Variants in CALHM5 observed in about 807,000 individuals in gnomAD.
The protein encoded by CALHM5 is calcium homeostasis modulator protein 5.
Under a neutral mutation model 20.9 loss-of-function variants are expected in CALHM5, and 17 were observed. The ratio of observed to expected loss-of-function variants is 0.82; its 90% CI spans 0.56 to 1.22. The LOEUF (loss-of-function observed/expected upper bound fraction) is 1.22. Among genes scored for constraint, CALHM5 ranks in the 50% most tolerant of loss-of-function variants. The pLI, the probability that CALHM5 is intolerant of heterozygous loss-of-function variation, is 0.00. For synonymous variants in CALHM5, 148 were observed against 140.0 expected (o/e 1.06, Z -0.40); for missense variants, 360 against 364.6 (o/e 0.99, Z 0.10).
chr6:116,511,724 T>C lies in CALHM5; in HGVS notation c.28T>C (p.Phe10Leu). ...GGATGCTTTTCAGGGCATTTTAAAA[T>C]TCTTCCTTAATCAGAAAACTGTTAT... MDAFQGILK[F>L]FLNQKTVIGY... The change falls in exon 1 of 2, where the codon TTC (phenylalanine) becomes CTC (leucine). Residue 10 changes from phenylalanine to leucine, a missense_variant. Physicochemically the swap from Phe to Leu is conservative, Grantham distance 22. Transcript: ENST00000368599. 1 of 1,613,728 alleles carries C rather than the reference T, an allele frequency of 6.2e-7. No homozygotes were observed. The highest frequency in any genetic ancestry group is 8.5e-7 in the Non-Finnish European group (1 of 1,179,880).
At position 116,511,780 on chromosome 6, in the gene CALHM5, G is replaced by C. The variant is rs1311645626; in HGVS notation, c.84G>C (p.Val28=). ...ACAGCTTCATGGCTCTGCTGACCGTGGGAAGTGAGCGTCTCTTTTCTGTTG... is the reference window on the plus strand; with the variant it reads ...ACAGCTTCATGGCTCTGCTGACCGTCGGAAGTGAGCGTCTCTTTTCTGTTG... ...IGYSFMALLT[V]GSERLFSVVA... The change falls in exon 1 of 2, where the codon GTG becomes GTC. Residue 28 remains valine (V), a synonymous_variant. Transcript: ENST00000368599. The C allele has an allele frequency of 1.2e-6, 2 of 1,614,060 alleles. No homozygotes were observed. The highest frequency in any genetic ancestry group is 1.7e-6 in the Non-Finnish European group (2 of 1,179,990).
chr6:116,515,177 GTA>G (rs1179417924), intron 1 of CALHM5, among the ~76,000 whole-genome samples: 5 of 152,096 alleles, frequency 3.3e-5, no homozygotes, highest in Non-Finnish European at 7.4e-5. Flanking sequence ...CTCTAGCCAT[GTA>G]TATACATTTA....
chr6:116,515,746 A>G lies in CALHM5; in HGVS notation c.687A>G (p.Thr229=). 2 of 1,614,034 alleles carry G rather than the reference A, an allele frequency of 1.2e-6. No homozygotes were observed. Among genetic ancestry groups the G allele is most frequent in the Non-Finnish European group, 1.7e-6 (2 of 1,179,934 alleles). ...AGGAGAAGGAGCAGTTGGAAAATAC[A>G]TTTCTGGACTATGCCAACAAGCTGA... ...AQKEKEQLEN[T]FLDYANKLSE... The change falls in exon 2 of 2, where the codon ACA becomes ACG. Residue 229 remains threonine, a synonymous_variant. Transcript: ENST00000368599.
chr6:116,523,866 TC>T lies in CALHM5; in HGVS notation c.*7881del, dbSNP rs1238464263. On this transcript the variant is annotated 3_prime_UTR_variant, in exon 2 of 2. Transcript: ENST00000368599. The stretch of plus-strand genomic sequence containing the variant: ...ATTCCATTTTACAGATGACTCAGTC[TC>T]CCCACAGATTAACAGTATTAAGAAA... The T allele has an allele frequency of 6.6e-6, 1 of 152,112 alleles. No individual in the cohort carries two copies. The highest frequency in any genetic ancestry group is 1.5e-5 in the Non-Finnish European group (1 of 68,016). 9.4% of individuals were successfully genotyped at this position (152,112 alleles called of 1,614,324 possible). A position where few individuals can be genotyped will look rare whatever the true frequency, so the allele number is the denominator to read the frequency against.
At position 116,516,941 on chromosome 6, in the gene CALHM5, A is replaced by G. The variant is rs1266261640; in HGVS notation, c.*952A>G. 6.5e-6 allele frequency: 1 copy of G among 152,776 alleles called. No homozygotes were observed. Among genetic ancestry groups the G allele is most frequent in the Non-Finnish European group, 1.5e-5 (1 of 68,640 alleles). The allele number at this position is 152,776 out of a possible 1,614,324, so 9.5% of individuals were successfully genotyped here. ...AATATCATAGATAGGTGGCTTATAC[A>G]AAATAGAAATTTATTTCTCACAGTT... is the stretch of plus-strand genomic sequence containing the variant. On this transcript the variant is annotated 3_prime_UTR_variant, in exon 2 of 2. Transcript: ENST00000368599.
At chr6:116,515,494 T>A in intron 1 of CALHM5, 106 bp from the exon 2 acceptor site, 1 of 1,130,344 alleles carries the variant, frequency 8.8e-7, no homozygotes. Flanking sequence ...AAATGAGGTA[T>A]GTCAAAGACT....
rs34849495 is a variant in CALHM5, at chr6:116,515,697, G to A, written c.638G>A (p.Ser213Asn). 2.3e-4 allele frequency: 370 copies of A among 1,614,018 alleles called. 3 individuals carry two copies. In the African/African-American group the frequency reaches 4.2e-3, roughly 18 times the overall value. ...TCTAAAGTTAGCTACCTTCAGCTGA[G>A]TTTTTGGAAGACATATGCACAAAAG... ...CRSKVSYLQL[S>N]FWKTYAQKEK... The change falls in exon 2 of 2, where the codon AGT (serine) becomes AAT (asparagine). Residue 213 changes from serine to asparagine, a missense_variant. Ser to Asn is a conservative substitution (Grantham distance 46). Coordinates refer to ENST00000368599, the MANE Select transcript of CALHM5 (RefSeq NM_153711.5).
Position 116,516,925 on chromosome 6 carries a change from G to C in CALHM5, c.*936G>C, listed in dbSNP as rs1378851379. 2.0e-5 allele frequency: 3 copies of C among 152,406 alleles called. No individual in the cohort carries two copies. Among genetic ancestry groups the C allele is most frequent in the Non-Finnish European group, 4.4e-5 (3 of 68,368 alleles). The allele number at this position is 152,406 out of a possible 1,614,324, so 9.4% of individuals were successfully genotyped here. ...TGGGCTACTATAACAAAATATCATA[G>C]ATAGGTGGCTTATACAAAATAGAAA... On this transcript the variant is annotated 3_prime_UTR_variant, in exon 2 of 2. Transcript: ENST00000368599.
rs1164199553 is a variant in CALHM5, at chr6:116,524,775, TG to T, written c.*8788del. Reference sequence around the variant, plus strand: ...TTTTCTTATATTTCAATAAAAAAGTTGGAAAATTTTCAACTTATTTTCCTTT... The same window carrying T: ...TTTTCTTATATTTCAATAAAAAAGTTGAAAATTTTCAACTTATTTTCCTTT... On this transcript the variant is annotated 3_prime_UTR_variant, in exon 2 of 2. Coordinates refer to ENST00000368599, the MANE Select transcript of CALHM5 (RefSeq NM_153711.5). The T allele has an allele frequency of 1.3e-5, 2 of 152,188 alleles. No homozygotes were observed. The highest frequency in any genetic ancestry group is 4.8e-5 in the African/African-American group (2 of 41,454). The allele number at this position is 152,188 out of a possible 1,614,324, so 9.4% of individuals were successfully genotyped here. A position where few individuals can be genotyped will look rare whatever the true frequency, so the allele number is the denominator to read the frequency against.
chr6:116,512,933 T>A (rs537078421), intron 1 of CALHM5, among the ~76,000 whole-genome samples: 39 of 152,336 alleles, frequency 2.6e-4, no homozygotes, highest in Admixed American at 5.2e-4. Flanking sequence ...GATTTGGGCA[T>A]TGTTTTATTT....
chr6:116,522,775 CA>C lies in CALHM5; in HGVS notation c.*6790del, dbSNP rs1562343154. The C allele has an allele frequency of 1.3e-5, 2 of 152,096 alleles. No individual in the cohort carries two copies. The highest frequency in any genetic ancestry group is 2.9e-5 in the Non-Finnish European group (2 of 68,024). The allele number at this position is 152,096 out of a possible 1,614,324, so 9.4% of individuals were successfully genotyped here. Reference sequence around the variant, plus strand: ...AGAGATTGTTCTTCTAGTCGTCTCTCAAAATGTTATCTTCAGACTGTCAACA... The same window carrying C: ...AGAGATTGTTCTTCTAGTCGTCTCTCAAATGTTATCTTCAGACTGTCAACA... On this transcript the variant is annotated 3_prime_UTR_variant, in exon 2 of 2. Transcript: ENST00000368599.
At chr6:116,512,383 C>T in intron 1 of CALHM5, 147 bp downstream of exon 1, 2 of 933,082 alleles carry the variant, frequency 2.1e-6, no homozygotes, top group Admixed American at 2.9e-5. Context: ...GAGACTATCT[C>T]AGGAAAAGCT....
chr6:116,522,664 C>T lies in CALHM5; in HGVS notation c.*6675C>T, dbSNP rs550216479. On this transcript the variant is annotated 3_prime_UTR_variant, in exon 2 of 2. Transcript: ENST00000368599. Reference sequence around the variant, plus strand: ...ACAAACATATTATTGGGAGGAGTAACACATTAAACTATTATTTGTCATTAA... The same window carrying T: ...ACAAACATATTATTGGGAGGAGTAATACATTAAACTATTATTTGTCATTAA... 1 of 152,208 alleles carries T rather than the reference C, an allele frequency of 6.6e-6. No individual in the cohort carries two copies. The highest frequency in any genetic ancestry group is 2.1e-4 in the South Asian group (1 of 4,820). The allele number at this position is 152,208 out of a possible 1,614,324, so 9.4% of individuals were successfully genotyped here.
Position 116,520,952 on chromosome 6 carries a change from C to G in CALHM5, c.*4963C>G, listed in dbSNP as rs895976548. On this transcript the variant is annotated 3_prime_UTR_variant, in exon 2 of 2. Coordinates refer to ENST00000368599, the MANE Select transcript of CALHM5 (RefSeq NM_153711.5). ...TGAATTTAAATTGGTTCTAGCTAAG[C>G]AATTTTGGAGTATCTTTGATGTACC... 1.3e-5 allele frequency: 2 copies of G among 151,422 alleles called. No homozygotes were observed. The highest frequency in any genetic ancestry group is 1.3e-4 in the Admixed American group (2 of 15,172). The allele number at this position is 151,422 out of a possible 1,614,324, so 9.4% of individuals were successfully genotyped here.
rs1772312819 is a variant in CALHM5 at position 116,520,506 on chromosome 6, T to A, written c.*4517T>A. On this transcript the variant is annotated 3_prime_UTR_variant, in exon 2 of 2. Transcript: ENST00000368599. ...TAAGAGGTTGGCATGAGAGGTTGGA[T>A]GGAAAGCATCTATCTGTGTTTGTCA... The A allele has an allele frequency of 6.6e-6, 1 of 152,164 alleles. No individual in the cohort carries two copies. The highest frequency in any genetic ancestry group is 1.5e-5 in the Non-Finnish European group (1 of 68,026). 9.4% of individuals were successfully genotyped at this position (152,164 alleles called of 1,614,324 possible).
chr6:116,511,672 C>A lies in CALHM5; in HGVS notation c.-25C>A. The A allele has an allele frequency of 6.2e-7, 1 of 1,602,958 alleles. No individual in the cohort carries two copies. The highest frequency in any genetic ancestry group is 1.7e-4 in the Middle Eastern group (1 of 5,994). Reference sequence around the variant, plus strand: ...TGCTCTGCCAATAACAAAGGCACAGCATTTTCCCTCTGTGCATCTCCAACA... The same window carrying A: ...TGCTCTGCCAATAACAAAGGCACAGAATTTTCCCTCTGTGCATCTCCAACA... On this transcript the variant is annotated 5_prime_UTR_variant, in exon 1 of 2. Transcript: ENST00000368599.
Position 116,515,953 on chromosome 6 carries a change from G to C in CALHM5, c.894G>C (p.Thr298=), listed in dbSNP as rs764951260. 1 of 1,610,060 alleles carries C rather than the reference G, an allele frequency of 6.2e-7. No individual in the cohort carries two copies. Among genetic ancestry groups the C allele is most frequent in the South Asian group, 1.1e-5 (1 of 90,840 alleles). ...AACTTAGCCCTGAGGATGATGAGAC[G>C]ACAATGGTCCTTGTGGGTACTGCCC... ...GLQLSPEDDE[T]TMVLVGTAHN... Residue 298 remains threonine (T), a synonymous_variant, in exon 2 of 2, where the codon ACG becomes ACC. Transcript: ENST00000368599.
In CALHM5 at chr6:116,523,251, A is replaced by T. The variant is rs1772378002; in HGVS notation, c.*7262A>T. Reference sequence around the variant, plus strand: ...GGGGTGCCTTTCCATTCATTCAAGGATACCTTTCTATTCATTCAAGGATAT... The same window carrying T: ...GGGGTGCCTTTCCATTCATTCAAGGTTACCTTTCTATTCATTCAAGGATAT... On this transcript the variant is annotated 3_prime_UTR_variant, in exon 2 of 2. Transcript: ENST00000368599. 2.6e-5 allele frequency: 4 copies of T among 152,156 alleles called. No individual in the cohort carries two copies. The highest frequency in any genetic ancestry group is 2.6e-4 in the Admixed American group (4 of 15,278). The allele number at this position is 152,156 out of a possible 1,614,324, so 9.4% of individuals were successfully genotyped here.
In CALHM5 at chr6:116,521,321, A is replaced by G. The variant is rs1292866152; in HGVS notation, c.*5332A>G. ...CGTGCCACCTGTAAGCTGGAGAATC[A>G]GGGAAATGTGTAGGGTGGCTCAAGT... is the stretch of plus-strand genomic sequence containing the variant. On this transcript the variant is annotated 3_prime_UTR_variant, in exon 2 of 2. Transcript: ENST00000368599. 2 of 152,148 alleles carry G rather than the reference A, an allele frequency of 1.3e-5. No homozygotes were observed. The highest frequency in any genetic ancestry group is 2.9e-5 in the Non-Finnish European group (2 of 68,022). 9.4% of individuals were successfully genotyped at this position (152,148 alleles called of 1,614,324 possible).
Sources: gnomAD v4.1 joint callset for allele counts (sites outside exome capture counted in the v4.1 genomes callset) on GRCh38, gnomAD v4.1.1 for gene constraint, MANE v1.5 for transcripts, NCBI Gene and HGNC (gene_info 2026-07-23, HGNC 2026-07-21) for gene names.